The following ANO3 variants were observed in gnomAD, a reference collection of about 807,000 sequenced individuals.
ANO3 encodes the protein anoctamin-3.
ANO3 carries 99 observed loss-of-function variants against 144.8 expected under a neutral mutation model. The ratio of observed to expected loss-of-function variants is 0.68; its 90% confidence interval spans 0.58 to 0.81. The LOEUF is 0.81. ANO3 is among the 30% of genes least tolerant of loss of function. The pLI is 0.00. For synonymous variants in ANO3, 414 were observed against 392.6 expected (o/e 1.05, Z -0.64); for missense variants, 905 against 1,202.2 (o/e 0.75, Z 3.66).
intron 20 of ANO3, among the ~76,000 whole-genome samples, chr11:26,637,666 A>G (rs1390135124): frequency 6.6e-6 from 1 of 152,202 alleles, no homozygotes; most frequent in East Asian, 1.9e-4. Context: ...CTTGGATGCG[A>G]GAATTTAGAC....
rs574272240 is a variant in ANO3 at position 26,241,215 on chromosome 11, C to T, written c.154+51885C>T. On this transcript the variant is annotated intron_variant, in intron 1 of 27. Transcript: ENST00000672621. ...CGTGATTGTGAAACTGCCCCAGCCA[C>T]GTGGAACTGTAAGTCCATTCAACCT... Among the ~76,000 whole-genome samples, 10 of 152,228 alleles carry T rather than the reference C, an allele frequency of 6.6e-5. No individual in the cohort carries two copies. The East Asian group carries it at 9.6e-4, about 15-fold the overall frequency.
At chr11:26,341,332 G>A (rs1036957571) in intron 1 of ANO3, among the ~76,000 whole-genome samples, 1 of 152,094 alleles carries the variant, frequency 6.6e-6, no homozygotes, top group Non-Finnish European at 1.5e-5. Flanking sequence ...GTCATTGTAG[G>A]AAAGGCAATG....
At chr11:26,634,740 A>G (rs1222572242) in intron 19 of ANO3, among the ~76,000 whole-genome samples, 3 of 152,242 alleles carry the variant, frequency 2.0e-5, no homozygotes, top group African/African-American at 7.2e-5. Context: ...AATAGTCATT[A>G]ACTAGGTCAA....
At chr11:26,613,307 T>TC (rs1852154205) in intron 17 of ANO3, among the ~76,000 whole-genome samples, 1 of 152,212 alleles carries the variant, frequency 6.6e-6, no homozygotes, top group Non-Finnish European at 1.5e-5. Flanking sequence ...TTGTATTTAT[T>TC]GAATTATTCA....
chr11:26,188,848 T>A (rs1851424763), exon 1 of ANO3, among the ~76,000 whole-genome samples: 1 of 152,142 alleles, frequency 6.6e-6, no homozygotes, highest in Non-Finnish European at 1.5e-5. Flanking sequence ...GCCTATGTCT[T>A]CACTTAGCCC....
intron 1 of ANO3, among the ~76,000 whole-genome samples, chr11:26,194,492 T>TGTGTGTGTG (rs1851545917): frequency 6.1e-5 from 2 of 32,814 alleles, no homozygotes; most frequent in Admixed American, 2.9e-4. Flanking sequence ...GTGTGTATTA[T>TGTGTGTGTG]TTATTTATTT....
intron 1 of ANO3, among the ~76,000 whole-genome samples, chr11:26,276,069 C>A (rs1045055590): frequency 1.3e-5 from 2 of 152,088 alleles, no homozygotes; most frequent in Admixed American, 6.5e-5. Flanking sequence ...ACAAGGGAGG[C>A]CTTGCTTGCT....
chr11:26,192,354 T>C (rs1851494149), intron 1 of ANO3, among the ~76,000 whole-genome samples: 1 of 152,194 alleles, frequency 6.6e-6, no homozygotes, highest in Non-Finnish European at 1.5e-5. Flanking sequence ...AATGAGGTGA[T>C]AGCCAAAGTA....
chr11:26,547,320 A>T (rs1188926363), intron 11 of ANO3, 96 bp from the exon 12 acceptor site: 1 of 1,276,886 alleles, frequency 7.8e-7, no homozygotes, highest in Non-Finnish European at 1.1e-6. Flanking sequence ...TGTAGCTTCA[A>T]GTTACCATCT....
At chr11:26,325,086 T>C (rs569923375) in intron 1 of ANO3, among the ~76,000 whole-genome samples, 1 of 152,284 alleles carries the variant, frequency 6.6e-6, no homozygotes, top group East Asian at 1.9e-4. Context: ...CTTGTTTTTA[T>C]TGTGCAAAAT....
chr11:26,600,023 CAAAT>C (rs1333705920), intron 17 of ANO3, among the ~76,000 whole-genome samples: 2 of 151,866 alleles, frequency 1.3e-5, no homozygotes, highest in South Asian at 2.1e-4. Context: ...ACTTTTCAAA[CAAAT>C]AAAGAATTGT....
At chr11:26,407,899 A>C (rs1016366721) in intron 1 of ANO3, among the ~76,000 whole-genome samples, 4 of 151,862 alleles carry the variant, frequency 2.6e-5, no homozygotes, top group African/African-American at 4.8e-5. Context: ...ATGTTACTAC[A>C]TGTTATAACT....
chr11:26,409,005 T>C (rs1334272422), intron 1 of ANO3, among the ~76,000 whole-genome samples: 1 of 151,734 alleles, frequency 6.6e-6, no homozygotes, highest in African/African-American at 2.4e-5. Context: ...GGGCTAGCAT[T>C]AGGAGATATA....
intron 14 of ANO3, among the ~76,000 whole-genome samples, chr11:26,591,610 C>T (rs1851454880): frequency 6.6e-6 from 1 of 152,114 alleles, no homozygotes; most frequent in Non-Finnish European, 1.5e-5. Context: ...TGGGAAGCCA[C>T]ATTCTCCATA....
chr11:26,233,216 CAAAAAAA>C (rs56234101), intron 1 of ANO3, among the ~76,000 whole-genome samples: 4 of 118,504 alleles, frequency 3.4e-5, no homozygotes, highest in African/African-American at 1.4e-4. Context: ...GACTCCGTCT[CAAAAAAA>C]AAAAAAGAAA....
At chr11:26,191,295 C>CAT (rs147605923) in intron 1 of ANO3, among the ~76,000 whole-genome samples, 2,985 of 151,152 alleles carry the variant, frequency 0.02, 56 homozygotes, top group Non-Finnish European at 0.027. Context: ...AAAAAAAACA[C>CAT]ATATATATAT....
At chr11:26,559,821 A>G (rs774622680) in intron 14 of ANO3, 42 bp downstream of exon 14, 2 of 1,254,224 alleles carry the variant, frequency 1.6e-6, no homozygotes, top group Admixed American at 3.5e-5. Flanking sequence ...TATTTTCTGA[A>G]GCTGTTTCTG....
At chr11:26,659,967 A>G (rs543196440) in intron 26 of ANO3, among the ~76,000 whole-genome samples, 1 of 152,174 alleles carries the variant, frequency 6.6e-6, no homozygotes, top group South Asian at 2.1e-4. Context: ...ATAATATTTC[A>G]TAATATGTAA....
intron 4 of ANO3, among the ~76,000 whole-genome samples, chr11:26,482,709 T>C (rs1340127262): frequency 6.6e-6 from 1 of 152,188 alleles, no homozygotes; most frequent in Non-Finnish European, 1.5e-5. Flanking sequence ...ATCCATGACC[T>C]GAATAGTATA....
Sources: allele counts gnomAD v4.1 joint callset (sites outside exome capture counted in the v4.1 genomes callset), GRCh38; gene constraint gnomAD v4.1.1; transcripts MANE v1.5; gene names NCBI Gene and HGNC (gene_info 2026-07-23, HGNC 2026-07-21).